The following TAFA4 variants were observed in gnomAD, a reference collection of about 807,000 sequenced individuals.
TAFA4 encodes chemokine-like protein TAFA-4.
In TAFA4, 20 loss-of-function variants were observed where a neutral mutation model predicts 21.1. The observed-to-expected ratio is 0.95, with a 90% CI of 0.67 to 1.38. The LOEUF is 1.38. Among genes scored for constraint, TAFA4 ranks in the 40% most tolerant of loss-of-function variants. TAFA4 has a pLI of 0.00. For missense variants in TAFA4, 211 were observed against 180.9 expected, an observed-to-expected ratio of 1.17 and a Z score of -0.95; for synonymous variants, 71 against 67.4, an observed-to-expected ratio of 1.05 and a Z score of -0.26.
intron 3 of TAFA4, among the ~76,000 whole-genome samples, chr3:68,857,175 C>G (rs748677757): frequency 6.6e-6 from 1 of 152,120 alleles, no homozygotes; most frequent in East Asian, 1.9e-4. Flanking sequence ...CAGCATTTAA[C>G]GATTTCTCCC....
chr3:68,747,128 C>T (rs142902629), intron 4 of TAFA4, among the ~76,000 whole-genome samples: 66 of 152,312 alleles, frequency 4.3e-4, no homozygotes, highest in African/African-American at 1.5e-3. Context: ...CTCTTACTTA[C>T]GAAAATAATT....
At chr3:68,931,668 T>A (rs1197720443) in intron 1 of TAFA4, among the ~76,000 whole-genome samples, 2 of 151,610 alleles carry the variant, frequency 1.3e-5, no homozygotes, top group Non-Finnish European at 2.9e-5. Flanking sequence ...CCCGCTCCAG[T>A]TCTCCACTTG....
At chr3:68,812,368 A>C (rs1703861773) in intron 3 of TAFA4, among the ~76,000 whole-genome samples, 1 of 152,222 alleles carries the variant, frequency 6.6e-6, no homozygotes, top group Non-Finnish European at 1.5e-5. Context: ...CAATTAAAAG[A>C]CACAGACTGG....
intron 3 of TAFA4, among the ~76,000 whole-genome samples, chr3:68,848,138 A>G (rs1014663415): frequency 2.0e-5 from 3 of 152,250 alleles, no homozygotes; most frequent in African/African-American, 7.2e-5. Context: ...ATTAAATAGC[A>G]GAACCAAGCT....
At chr3:68,747,032 G>T (rs562111098) in intron 4 of TAFA4, among the ~76,000 whole-genome samples, 3 of 152,108 alleles carry the variant, frequency 2.0e-5, no homozygotes, top group Non-Finnish European at 4.4e-5. Flanking sequence ...GGGCAAAATC[G>T]CCCCTGGTTG....
At chr3:68,893,659 G>A (rs1361042545) in intron 1 of TAFA4, among the ~76,000 whole-genome samples, 1 of 152,186 alleles carries the variant, frequency 6.6e-6, no homozygotes, top group Non-Finnish European at 1.5e-5. Context: ...AACAGCTCAT[G>A]GACATATATA....
At position 68,856,217 on chromosome 3, in the gene TAFA4, C is replaced by T. The variant is rs146116588; in HGVS notation, c.130+24513G>A. Among the ~76,000 whole-genome samples, 36 of 152,216 alleles carry T rather than the reference C, an allele frequency of 2.4e-4. No individual in the cohort carries two copies. In the East Asian group the frequency reaches 6.6e-3, roughly 28 times the overall value. Reference sequence around the variant, plus strand: ...AACAATCCAAACAGGGTAGTGGTTACCCCTGAGGAGAAAACTAGGTAGGAG... The same window carrying T: ...AACAATCCAAACAGGGTAGTGGTTATCCCTGAGGAGAAAACTAGGTAGGAG... On this transcript the variant is annotated intron_variant, in intron 3 of 5. Transcript: ENST00000295569.
At chr3:68,751,616 A>G (rs1215047044) in intron 4 of TAFA4, among the ~76,000 whole-genome samples, 2 of 152,214 alleles carry the variant, frequency 1.3e-5, no homozygotes, top group Non-Finnish European at 2.9e-5. Flanking sequence ...ATCCTTTATC[A>G]ATAATCCCCA....
chr3:68,765,766 T>C (rs993983849), intron 3 of TAFA4, among the ~76,000 whole-genome samples: 6 of 152,128 alleles, frequency 3.9e-5, no homozygotes, highest in African/African-American at 1.4e-4. Flanking sequence ...AGACATTTAA[T>C]AGCCTTTTGG....
chr3:68,765,070 A>G (rs1197257882), intron 3 of TAFA4, among the ~76,000 whole-genome samples: 2 of 152,108 alleles, frequency 1.3e-5, no homozygotes, highest in African/African-American at 2.4e-5. Flanking sequence ...AAAAAACTAT[A>G]TATATCATAT....
chr3:68,759,247 A>T (rs911769520), intron 3 of TAFA4, among the ~76,000 whole-genome samples: 2 of 152,204 alleles, frequency 1.3e-5, no homozygotes, highest in Non-Finnish European at 2.9e-5. Context: ...TGAAAGGGCC[A>T]TCTGTTTTAC....
chr3:68,787,448 C>T (rs1367547379), intron 3 of TAFA4, among the ~76,000 whole-genome samples: 5 of 152,130 alleles, frequency 3.3e-5, no homozygotes, highest in Admixed American at 6.5e-5. Flanking sequence ...ATAATTATAT[C>T]ACCAGGCTGT....
chr3:68,812,918 C>A (rs1229545197), intron 3 of TAFA4, among the ~76,000 whole-genome samples: 2 of 152,112 alleles, frequency 1.3e-5, no homozygotes, highest in African/African-American at 4.8e-5. Flanking sequence ...TGACCACATA[C>A]TTGGAAGTAA....
chr3:68,859,269 T>C (rs2089300174), intron 3 of TAFA4, among the ~76,000 whole-genome samples: 1 of 152,194 alleles, frequency 6.6e-6, no homozygotes, highest in East Asian at 1.9e-4. Context: ...AAATTATGTA[T>C]CACTGACAAT....
intron 3 of TAFA4, among the ~76,000 whole-genome samples, chr3:68,860,025 G>A (rs1304496587): frequency 1.3e-5 from 2 of 152,074 alleles, no homozygotes; most frequent in South Asian, 2.1e-4. Context: ...GTTGGCCTTA[G>A]GACCTAAGGT....
intron 3 of TAFA4, among the ~76,000 whole-genome samples, chr3:68,791,084 G>A (rs945549747): frequency 1.3e-5 from 2 of 152,094 alleles, no homozygotes; most frequent in African/African-American, 4.8e-5. Flanking sequence ...TCCACAAAAG[G>A]GAACCAACTT....
chr3:68,752,655 C>T (rs1702577696), intron 4 of TAFA4, among the ~76,000 whole-genome samples: 1 of 152,166 alleles, frequency 6.6e-6, no homozygotes, highest in Non-Finnish European at 1.5e-5. Context: ...TAATATAACT[C>T]CCCATTGGTA....
chr3:68,822,034 T>C (rs1298269551), intron 3 of TAFA4, among the ~76,000 whole-genome samples: 1 of 152,216 alleles, frequency 6.6e-6, no homozygotes, highest in Non-Finnish European at 1.5e-5. Flanking sequence ...AAATGTATTA[T>C]GCTTGCTCTT....
At chr3:68,811,150 T>C (rs1703827899) in intron 3 of TAFA4, among the ~76,000 whole-genome samples, 1 of 152,066 alleles carries the variant, frequency 6.6e-6, no homozygotes. Context: ...AGAAAGGACA[T>C]CCACACCAAA....
Sources: allele counts gnomAD v4.1 joint callset (sites outside exome capture counted in the v4.1 genomes callset), GRCh38; gene constraint gnomAD v4.1.1; transcripts MANE v1.5; gene names NCBI Gene and HGNC (gene_info 2026-07-23, HGNC 2026-07-21).